The following SAMSN1 variants were observed in gnomAD, a reference collection of about 807,000 sequenced individuals.
SAMSN1 encodes SAM domain-containing protein SAMSN-1.
In SAMSN1, 31 loss-of-function variants were observed where a neutral mutation model predicts 42.0. The ratio of observed to expected loss-of-function variants is 0.74; its 90% CI spans 0.55 to 1.00. The LOEUF (loss-of-function observed/expected upper bound fraction) is 1.00. Among genes scored for constraint, SAMSN1 ranks in the 50% least tolerant of loss-of-function variants. The pLI is 0.00. For missense variants in SAMSN1, 464 were observed against 439.4 expected (o/e 1.06, Z -0.50); for synonymous variants, 178 against 151.9 (o/e 1.17, Z -1.26).
Position 14,520,883 on chromosome 21 carries a change from T to C in SAMSN1, c.129+267A>G, listed in dbSNP as rs549932258. On this transcript the variant is annotated intron_variant, in intron 2 of 7. Coordinates refer to ENST00000400566, the MANE Select transcript of SAMSN1 (RefSeq NM_022136.5). ...TGCTTTGTTGAGAGTTCCTCTTTTT[T>C]TTTTTCCTTTTCACCCGATATACCC... Among the ~76,000 whole-genome samples the C allele has an allele frequency of 4.5e-4, 68 of 152,130 alleles. 1 individual carries two copies. The highest frequency in any genetic ancestry group is 1.6e-3 in the African/African-American group (65 of 41,502).
At position 14,609,786 on chromosome 21, in the gene SAMSN1, T is replaced by C. The variant is rs367904902; in HGVS notation, c.236-218A>G. Among the ~76,000 whole-genome samples, 11 of 152,346 alleles carry C rather than the reference T, an allele frequency of 7.2e-5. No homozygotes were observed. The South Asian group carries it at 2.3e-3, about 32-fold the overall frequency. On this transcript the variant is annotated intron_variant, in intron 4 of 15. Transcript: ENST00000647101. ...AAGAACATAAATTGTGAAGATTTCA[T>C]GGACATTTATTAGTTCCCCAAATTA...
chr21:14,516,389 CT>C lies in SAMSN1; in HGVS notation c.279+502del, dbSNP rs373360633. Reference sequence around the variant, plus strand: ...TCGCATCACATTCTAGATGCATGATCTTTTTTTTTGTTTTGTTTTTTGAGAC... The same window carrying C: ...TCGCATCACATTCTAGATGCATGATCTTTTTTTTGTTTTGTTTTTTGAGAC... On this transcript the variant is annotated intron_variant, in intron 3 of 7. Coordinates refer to ENST00000400566, the MANE Select transcript of SAMSN1 (RefSeq NM_022136.5). Among the ~76,000 whole-genome samples, 428 of 151,564 alleles carry C rather than the reference CT, an allele frequency of 2.8e-3. 3 individuals carry two copies. Among genetic ancestry groups the C allele is most frequent in the African/African-American group, 7.8e-3 (323 of 41,342 alleles).
chr21:14,545,258 A>G (rs1980314004), intron 1 of SAMSN1, among the ~76,000 whole-genome samples: 1 of 152,150 alleles, frequency 6.6e-6, no homozygotes, highest in Non-Finnish European at 1.5e-5. Context: ...ATGTCTCATC[A>G]ATTCAAAAGG....
upstream of SAMSN1, among the ~76,000 whole-genome samples, chr21:14,550,948 T>C (rs1392944306): frequency 2.0e-5 from 3 of 152,148 alleles, no homozygotes; most frequent in African/African-American, 7.2e-5. Flanking sequence ...TTTTAAGCTC[T>C]ATGCATAAAT....
intron 1 of SAMSN1, among the ~76,000 whole-genome samples, chr21:14,539,459 A>G (rs1979856223): frequency 6.6e-6 from 1 of 152,174 alleles, no homozygotes. Flanking sequence ...AGGATACAAA[A>G]TCAGTGTGCG....
intron 2 of SAMSN1, among the ~76,000 whole-genome samples, chr21:14,641,318 C>T (rs918457651): frequency 6.6e-6 from 1 of 152,122 alleles, no homozygotes; most frequent in African/African-American, 2.4e-5. Flanking sequence ...TGCTTTCTAA[C>T]ATTGCTTTCT....
Position 14,516,979 on chromosome 21 carries a change from G to A in SAMSN1, c.192C>T (p.Gly64=), listed in dbSNP as rs764094326. 1.7e-5 allele frequency: 27 copies of A among 1,612,104 alleles called. No homozygotes were observed. The East Asian group carries it at 2.2e-4, about 13-fold the overall frequency. The change falls in exon 3 of 8, where the codon GGC becomes GGT. Residue 64 remains glycine (G), a synonymous_variant. Coordinates refer to ENST00000400566, the MANE Select transcript of SAMSN1 (RefSeq NM_022136.5). ...GEQSKTSNNG[G]GLGKKMRAIS... is the part of the protein sequence containing the mutation. ...TAGCTCTCATTTTTTTACCCAAACCGCCTCCATTATTTGAAGTTTTACTTT... is the reference window on the plus strand; with the variant it reads ...TAGCTCTCATTTTTTTACCCAAACCACCTCCATTATTTGAAGTTTTACTTT...
chr21:14,500,522 T>C lies in SAMSN1; in HGVS notation c.768+7A>G, dbSNP rs1265502229. On this transcript the variant is annotated splice_region_variant and intron_variant, in intron 6 of 7. Transcript: ENST00000400566. ...TCCAAAAGCAAACAGAACACAGATT[T>C]GCTCACCTGCAGATGAATCCTCTCT... The C allele has an allele frequency of 6.2e-7, 1 of 1,612,576 alleles. No individual in the cohort carries two copies. The highest frequency in any genetic ancestry group is 1.7e-5 in the Admixed American group (1 of 59,974).
At chr21:14,508,714 G>T (rs1987539355) in intron 5 of SAMSN1, among the ~76,000 whole-genome samples, 1 of 152,220 alleles carries the variant, frequency 6.6e-6, no homozygotes, top group Non-Finnish European at 1.5e-5. Context: ...AGGTATCTAT[G>T]CAGAGGAAAA....
chr21:14,658,472 A>C (rs1983949823), intron 1 of SAMSN1, among the ~76,000 whole-genome samples: 1 of 151,994 alleles, frequency 6.6e-6, no homozygotes, highest in African/African-American at 2.4e-5. Flanking sequence ...TCTCAAAAAT[A>C]CTGTTCCCAG....
intron 1 of SAMSN1, among the ~76,000 whole-genome samples, chr21:14,542,115 A>G (rs765897248): frequency 6.6e-6 from 1 of 152,230 alleles, no homozygotes. Flanking sequence ...AACTTCCTGC[A>G]TAGTCAGAGA....
At chr21:14,536,843 T>C (rs1979653411) in intron 1 of SAMSN1, among the ~76,000 whole-genome samples, 1 of 152,196 alleles carries the variant, frequency 6.6e-6, no homozygotes, top group Non-Finnish European at 1.5e-5. Flanking sequence ...CTGCCATCTT[T>C]AGACAGCATG....
rs34880996 is a variant in SAMSN1 at position 14,554,698 on chromosome 21, CTTTT to C, written c.261+27434_261+27437del. Among the ~76,000 whole-genome samples, 34 of 130,536 alleles carry C rather than the reference CTTTT, an allele frequency of 2.6e-4. 1 individual carries two copies. The highest frequency in any genetic ancestry group is 7.9e-5 in the Admixed American group (1 of 12,620). 85.6% of individuals were successfully genotyped at this position (130,536 alleles called of 152,430 possible). A position where few individuals can be genotyped will look rare whatever the true frequency, so the allele number is the denominator to read the frequency against. On this transcript the variant is annotated intron_variant, in intron 2 of 8. Coordinates refer to the SAMSN1 transcript ENST00000285670. ...CAGTTAAGTCTTTTGTTTTCTTTTT[CTTTT>C]TTTTTTTTTTTTTTGAGACAAAGTC...
chr21:14,641,375 A>G (rs1983594168), intron 2 of SAMSN1, among the ~76,000 whole-genome samples: 1 of 152,188 alleles, frequency 6.6e-6, no homozygotes, highest in Admixed American at 6.5e-5. Flanking sequence ...AGCTATGATA[A>G]TAAGCCATTT....
intron 6 of SAMSN1, 139 bp downstream of exon 6, chr21:14,500,390 A>G (rs1415498112): frequency 6.0e-6 from 4 of 669,894 alleles, no homozygotes; most frequent in Non-Finnish European, 1.0e-5. Flanking sequence ...AAGAGAAATA[A>G]GAGCTCTTCT....
At chr21:14,620,100 G>A (rs571219784) in intron 2 of SAMSN1, among the ~76,000 whole-genome samples, 3 of 152,180 alleles carry the variant, frequency 2.0e-5, no homozygotes, top group South Asian at 4.2e-4. Flanking sequence ...CGGTTTCTAT[G>A]GTCCACTTTA....
At chr21:14,569,354 A>G (rs913751945) in intron 2 of SAMSN1, among the ~76,000 whole-genome samples, 1 of 152,120 alleles carries the variant, frequency 6.6e-6, no homozygotes, top group African/African-American at 2.4e-5. Context: ...TCTCTTCCAC[A>G]TTACACAGTA....
chr21:14,584,880 G>A (rs1232066932), upstream of SAMSN1, among the ~76,000 whole-genome samples: 3 of 152,158 alleles, frequency 2.0e-5, no homozygotes, highest in South Asian at 4.1e-4. Context: ...TGGAAGTAAA[G>A]GATATCTGAC....
intron 1 of SAMSN1, among the ~76,000 whole-genome samples, chr21:14,536,237 C>CA (rs980137775): frequency 6.0e-4 from 90 of 149,112 alleles, no homozygotes; most frequent in African/African-American, 1.1e-3. Context: ...AACAAACAAA[C>CA]AAAAAAAAAC....
Sources: allele counts gnomAD v4.1 joint callset (sites outside exome capture counted in the v4.1 genomes callset), GRCh38; gene constraint gnomAD v4.1.1; transcripts MANE v1.5; gene names NCBI Gene and HGNC (gene_info 2026-07-23, HGNC 2026-07-21).